Variants in UBE2L6 observed in about 807,000 individuals in gnomAD.
UBE2L6 encodes ubiquitin conjugating enzyme E2 L6, also known as ubiquitin/ISG15-conjugating enzyme E2 L6.
UBE2L6 carries 11 observed loss-of-function variants against 13.6 expected under a neutral mutation model. The observed-to-expected ratio is 0.81, with a 90% CI of 0.51 to 1.34. The LOEUF (loss-of-function observed/expected upper bound fraction) is 1.34. Ranked by LOEUF, UBE2L6 falls within the 40% of genes most tolerant of loss-of-function variation. The pLI is 0.00. For synonymous variants in UBE2L6, 74 were observed against 83.2 expected, an observed-to-expected ratio of 0.89 and a Z score of 0.60; for missense variants, 197 against 199.5, an observed-to-expected ratio of 0.99 and a Z score of 0.07.
chr11:57,559,764 T>C lies in UBE2L6; in HGVS notation c.123+573A>G, dbSNP rs188711136. On this transcript the variant is annotated intron_variant, in intron 2 of 3. Transcript: ENST00000287156. ...TTCTCAAAGTATCTTTAGTCACTAA[T>C]AATCGGATGAAAAAAAGAGAGATCT... Among the ~76,000 whole-genome samples, 218 of 152,314 alleles carry C rather than the reference T, an allele frequency of 1.4e-3. 1 individual carries two copies. The highest frequency in any genetic ancestry group is 5.1e-3 in the African/African-American group (212 of 41,574).
rs199682868 is a variant in UBE2L6 at position 57,560,457 on chromosome 11, C to G, written c.28-25G>C. The G allele has an allele frequency of 1.9e-6, 3 of 1,570,046 alleles. No individual in the cohort carries two copies. The East Asian group carries it at 6.7e-5, about 35-fold the overall frequency. ...CCTGCAGGGGACACAAGTGAGTGGGCAGTTGGCCTAGTCCTCCTTATTTCA... is the reference window on the plus strand; with the variant it reads ...CCTGCAGGGGACACAAGTGAGTGGGGAGTTGGCCTAGTCCTCCTTATTTCA... On this transcript the variant is annotated intron_variant, in intron 1 of 3. Coordinates refer to ENST00000287156, the MANE Select transcript of UBE2L6 (RefSeq NM_004223.5).
At chr11:57,552,613 G>T (rs1590806760) in intron 3 of UBE2L6, 104 bp from the exon 4 acceptor site, 2 of 1,432,016 alleles carry the variant, frequency 1.4e-6, no homozygotes, top group Non-Finnish European at 9.6e-7. Context: ...TTGGGGGAAA[G>T]GTTACATCGC....
chr11:57,564,327 A>C, intron 1 of UBE2L6, among the ~76,000 whole-genome samples: 1 of 152,212 alleles, frequency 6.6e-6, no homozygotes, highest in Non-Finnish European at 1.5e-5. Flanking sequence ...CGGCTGAGGG[A>C]AAAAATCTTT....
intron 2 of UBE2L6, among the ~76,000 whole-genome samples, chr11:57,558,425 G>A (rs1281321718): frequency 6.6e-6 from 1 of 152,098 alleles, no homozygotes; most frequent in African/African-American, 2.4e-5. Flanking sequence ...TTCATGGAGT[G>A]GTTAAAAGAG....
At chr11:57,561,394 T>G (rs950064374) in intron 1 of UBE2L6, among the ~76,000 whole-genome samples, 12 of 152,138 alleles carry the variant, frequency 7.9e-5, no homozygotes, top group Admixed American at 7.9e-4. Context: ...GACATTTAAC[T>G]GAGACAGGAC....
chr11:57,567,786 C>T (rs1417518672), upstream of UBE2L6: 4 of 667,352 alleles, frequency 6.0e-6, no homozygotes, highest in East Asian at 3.4e-5. Context: ...AGGAGGCCGT[C>T]GAAGGACGAC....
chr11:57,562,221 G>C (rs772276422), intron 1 of UBE2L6, among the ~76,000 whole-genome samples: 8 of 152,222 alleles, frequency 5.3e-5, no homozygotes, highest in Admixed American at 1.3e-4. Flanking sequence ...TGGTGGACAA[G>C]GGGAGAGACT....
intron 3 of UBE2L6, 78 bp downstream of exon 3, chr11:57,554,359 T>C: frequency 1.3e-6 from 2 of 1,515,486 alleles, no homozygotes; most frequent in Non-Finnish European, 1.8e-6. Flanking sequence ...CTTTTCAAGC[T>C]CAGAATAAGC....
chr11:57,552,981 C>T (rs1299301420), intron 3 of UBE2L6, among the ~76,000 whole-genome samples: 1 of 152,178 alleles, frequency 6.6e-6, no homozygotes, highest in Admixed American at 6.5e-5. Context: ...TGTGCACATC[C>T]ACATGCAAAA....
intron 1 of UBE2L6, among the ~76,000 whole-genome samples, chr11:57,566,039 G>A (rs572052803): frequency 1.3e-5 from 2 of 151,382 alleles, no homozygotes; most frequent in East Asian, 3.9e-4. Flanking sequence ...CAGGGTCAAT[G>A]GCCCTTCATT....
At chr11:57,566,473 A>C (rs1301836067) in intron 1 of UBE2L6, among the ~76,000 whole-genome samples, 1 of 152,234 alleles carries the variant, frequency 6.6e-6, no homozygotes, top group Non-Finnish European at 1.5e-5. Flanking sequence ...ATGCGGGTAT[A>C]TATTACTTAT....
chr11:57,563,999 A>G (rs1945067132), intron 1 of UBE2L6, among the ~76,000 whole-genome samples: 1 of 152,262 alleles, frequency 6.6e-6, no homozygotes, highest in Admixed American at 6.5e-5. Flanking sequence ...GGCCTTAAAT[A>G]GGAGGTAGGG....
chr11:57,554,675 GC>G (rs773378922), intron 2 of UBE2L6, 52 bp from the exon 3 acceptor site: 2 of 1,604,688 alleles, frequency 1.2e-6, no homozygotes, highest in Non-Finnish European at 1.7e-6. Context: ...CTCCCTTCCT[GC>G]CCCAATCCGA....
At chr11:57,559,372 A>C (rs1945021102) in intron 2 of UBE2L6, among the ~76,000 whole-genome samples, 1 of 152,212 alleles carries the variant, frequency 6.6e-6, no homozygotes, top group African/African-American at 2.4e-5. Flanking sequence ...GCACTTTAGG[A>C]GGCCGAGGTG....
At chr11:57,564,537 T>C (rs1200948000) in intron 1 of UBE2L6, among the ~76,000 whole-genome samples, 1 of 152,222 alleles carries the variant, frequency 6.6e-6, no homozygotes, top group South Asian at 2.1e-4. Context: ...GCATGGTGGC[T>C]CACGCCTGTA....
chr11:57,559,650 T>C (rs184428357), intron 2 of UBE2L6, among the ~76,000 whole-genome samples: 176 of 152,114 alleles, frequency 1.2e-3, no homozygotes, highest in African/African-American at 4.0e-3. Context: ...ATAAGATGAA[T>C]TGTTCCTTTG....
At chr11:57,555,500 C>T (rs1944990266) in intron 2 of UBE2L6, among the ~76,000 whole-genome samples, 1 of 152,140 alleles carries the variant, frequency 6.6e-6, no homozygotes. Flanking sequence ...TGGGGAGTTA[C>T]TGAAGGGGTA....
Position 57,554,508 on chromosome 11 carries a change from T to C in UBE2L6, c.239A>G (p.Asp80Gly), listed in dbSNP as rs1002896599. Reference sequence around the variant, plus strand: ...GGGCAGGCAAATCTGTCCGTTCTCGTCCACGTTGGGGTGGTAGATCTTGGT... The same window carrying C: ...GGGCAGGCAAATCTGTCCGTTCTCGCCCACGTTGGGGTGGTAGATCTTGGT... ...FTTKIYHPNV[D>G]ENGQICLPII... The change falls in exon 3 of 4, where the codon GAC becomes GGC. Residue 80 changes from aspartate (D) to glycine (G), a missense_variant. Transcript: ENST00000287156. 6.2e-7 allele frequency: 1 copy of C among 1,614,102 alleles called. No homozygotes were observed. Among genetic ancestry groups the C allele is most frequent in the African/African-American group, 1.3e-5 (1 of 74,924 alleles).
chr11:57,554,346 G>A, intron 3 of UBE2L6, 91 bp downstream of exon 3: 1 of 1,462,972 alleles, frequency 6.8e-7, no homozygotes, highest in East Asian at 2.3e-5. Flanking sequence ...CCTCTCTTTG[G>A]GGCTTTTCAA....
Sources: gnomAD v4.1 joint callset for allele counts (sites outside exome capture counted in the v4.1 genomes callset) on GRCh38, gnomAD v4.1.1 for gene constraint, MANE v1.5 for transcripts, NCBI Gene and HGNC (gene_info 2026-07-23, HGNC 2026-07-21) for gene names.